Variants in CD6 observed in about 807,000 individuals in gnomAD.
CD6 encodes T-cell differentiation antigen CD6.
CD6 carries 53 observed loss-of-function variants against 75.3 expected under a neutral mutation model. That is an observed-to-expected ratio of 0.70 (90% CI 0.56 to 0.88). CD6 has a LOEUF of 0.88. Among genes scored for constraint, CD6 ranks in the 40% least tolerant of loss-of-function variants. CD6 has a pLI of 0.00. For synonymous variants in CD6, 359 were observed against 381.5 expected (o/e 0.94, Z 0.69); for missense variants, 770 against 897.1 (o/e 0.86, Z 1.81).
intron 1 of CD6, among the ~76,000 whole-genome samples, chr11:61,001,839 G>T (rs887116429): frequency 2.0e-5 from 3 of 152,150 alleles, no homozygotes; most frequent in African/African-American, 7.2e-5. Flanking sequence ...TTTCAAGATG[G>T]CAACAGCAGA....
rs377249802 is a variant in CD6, at chr11:60,988,093, G to C, written c.49+16179G>C. ...GCTGAGAGCTGAGAGTGTGAGATCA[G>C]ATTAGAGAGACTGGAAGTCTGGCTC... On this transcript the variant is annotated intron_variant, in intron 1 of 12. Coordinates refer to ENST00000313421, the MANE Select transcript of CD6 (RefSeq NM_006725.5). 4.6e-5 allele frequency: 7 copies of C among 152,386 alleles called. No individual in the cohort carries two copies. In the East Asian group the frequency reaches 1.4e-3, roughly 29 times the overall value. The allele number at this position is 152,386 out of a possible 1,614,324, so 9.4% of individuals were successfully genotyped here. A position where few individuals can be genotyped will look rare whatever the true frequency, so the allele number is the denominator to read the frequency against.
At chr11:60,982,648 C>T in intron 1 of CD6, 1 of 456,080 alleles carries the variant, frequency 2.2e-6, no homozygotes. Flanking sequence ...CAAATGGATT[C>T]AGCTCCTTGG....
Position 61,018,372 on chromosome 11 carries a change from G to A in CD6, c.1921G>A (p.Glu641Lys), listed in dbSNP as rs1385089522. Residue 641 changes from glutamate to lysine, a missense_variant, in exon 12 of 13, where the codon GAG becomes AAG. By Grantham distance (56) the Glu-to-Lys change is moderately conservative (BLOSUM62 1). Transcript: ENST00000313421. ...NFQPPPQPPSEEQFGCPGSPS... is the reference protein window; with the variant it reads ...NFQPPPQPPSKEQFGCPGSPS... ...CCAGCCACCACCCCAGCCCCCTTCG[G>A]AGGAGCAGTTTGGCTGTCCAGGTGC... The A allele has an allele frequency of 6.3e-7, 1 of 1,599,698 alleles. No individual in the cohort carries two copies. Among genetic ancestry groups the A allele is most frequent in the Admixed American group, 1.7e-5 (1 of 58,300 alleles).
At chr11:61,002,528 G>T (rs1385805793) in intron 1 of CD6, among the ~76,000 whole-genome samples, 2 of 152,068 alleles carry the variant, frequency 1.3e-5, no homozygotes, top group Non-Finnish European at 2.9e-5. Context: ...CTGCACTCCA[G>T]CCTGGGTGAC....
At chr11:61,018,098 G>A in intron 11 of CD6, 85 bp downstream of exon 11, 1 of 1,526,328 alleles carries the variant, frequency 6.6e-7, no homozygotes, top group East Asian at 2.2e-5. Context: ...GTCAGGCTGA[G>A]GTCAGGATTC....
intron 1 of CD6, among the ~76,000 whole-genome samples, chr11:60,999,771 G>A (rs1007871121): frequency 1.3e-5 from 2 of 152,128 alleles, no homozygotes; most frequent in Non-Finnish European, 2.9e-5. Context: ...ACAGGGTCGG[G>A]TTCTGTGGCT....
At chr11:61,008,263 C>G (rs1354837779) in intron 3 of CD6, 2 of 497,196 alleles carry the variant, frequency 4.0e-6, no homozygotes, top group Non-Finnish European at 3.6e-6. Flanking sequence ...ATAAACATGC[C>G]AGGTTCACAG....
Position 60,988,411 on chromosome 11 carries a change from C to T in CD6, c.49+16497C>T, listed in dbSNP as rs562836101. The stretch of plus-strand genomic sequence containing the variant: ...AGCTGTTAAGGACGCAAGGTGGCCA[C>T]AAAGCATTAGTCTGAACATCCCTGG... On this transcript the variant is annotated intron_variant, in intron 1 of 12. Transcript: ENST00000313421. 1.6e-4 allele frequency among the ~76,000 whole-genome samples: 25 copies of T among 152,330 alleles called. No homozygotes were observed. The South Asian group carries it at 5.0e-3, about 30-fold the overall frequency.
intron 1 of CD6, among the ~76,000 whole-genome samples, chr11:60,988,625 C>T (rs1857922935): frequency 6.6e-6 from 1 of 152,222 alleles, no homozygotes; most frequent in African/African-American, 2.4e-5. Flanking sequence ...CTCCCACCTG[C>T]TCTGGAGAGG....
chr11:61,000,330 T>C (rs1858525124), intron 1 of CD6, among the ~76,000 whole-genome samples: 1 of 147,982 alleles, frequency 6.8e-6, no homozygotes, highest in African/African-American at 2.5e-5. Flanking sequence ...TTTTTTTAAC[T>C]ATACTTCTAG....
intron 8 of CD6, chr11:61,015,486 G>A (rs1207749334): frequency 2.2e-5 from 11 of 492,258 alleles, no homozygotes; most frequent in East Asian, 3.4e-5. Context: ...TGGGAGGATC[G>A]CCTGAGCCCA....
Position 61,007,069 on chromosome 11 carries a change from C to T in CD6, c.118+427C>T, listed in dbSNP as rs1252641749. On this transcript the variant is annotated intron_variant, in intron 2 of 12. Coordinates refer to ENST00000313421, the MANE Select transcript of CD6 (RefSeq NM_006725.5). The surrounding 1 kb of genome is among the most constrained non-coding windows in gnomAD (Gnocchi z 4.2). ...GTTCTGGGGAAGTGAGGACCACCAT[C>T]AGCTGAAGCAGCCCATCATCAACCC... is the stretch of plus-strand genomic sequence containing the variant. Among the ~76,000 whole-genome samples the T allele has an allele frequency of 6.6e-6, 1 of 152,142 alleles. No homozygotes were observed. The highest frequency in any genetic ancestry group is 1.5e-5 in the Non-Finnish European group (1 of 68,012).
intron 5 of CD6, among the ~76,000 whole-genome samples, chr11:61,010,444 C>G (rs927535975): frequency 4.6e-5 from 7 of 152,152 alleles, no homozygotes; most frequent in African/African-American, 1.7e-4. Flanking sequence ...GCCATTATCC[C>G]AATTTCAGAC....
In CD6 at chr11:61,019,249, C is replaced by T; in HGVS notation, c.1943-5C>T. ...TCCCACTAATCTGGGCCTCTCTGCC[C>T]ACAGGGTCCCCCAGCCCTCAGCCTG... On this transcript the variant is annotated splice_polypyrimidine_tract_variant and splice_region_variant and intron_variant, in intron 12 of 12. Transcript: ENST00000313421. The T allele has an allele frequency of 3.1e-6, 5 of 1,610,878 alleles. No homozygotes were observed. The highest frequency in any genetic ancestry group is 4.2e-6 in the Non-Finnish European group (5 of 1,179,284).
chr11:61,012,648 A>G (rs1385030516), intron 6 of CD6, among the ~76,000 whole-genome samples: 1 of 152,202 alleles, frequency 6.6e-6, no homozygotes, highest in Non-Finnish European at 1.5e-5. Context: ...TGCTCACTCC[A>G]GGAACCCTCC....
At chr11:61,014,154 G>A in intron 8 of CD6, 140 bp downstream of exon 8, 1 of 613,376 alleles carries the variant, frequency 1.6e-6, no homozygotes, top group Non-Finnish European at 2.8e-6. Context: ...CCGGCCCTGG[G>A]ACCTTGAGCA....
intron 1 of CD6, among the ~76,000 whole-genome samples, chr11:60,999,504 C>T (rs1056545370): frequency 2.0e-5 from 3 of 150,832 alleles, no homozygotes; most frequent in African/African-American, 4.9e-5. Flanking sequence ...GGGGTGAGGA[C>T]GGGGACTGAA....
Position 61,007,469 on chromosome 11 carries a change from G to A in CD6, c.119-91G>A. The A allele has an allele frequency of 1.9e-6, 2 of 1,054,680 alleles. No individual in the cohort carries two copies. The highest frequency in any genetic ancestry group is 2.5e-6 in the Non-Finnish European group (2 of 786,022). 65.3% of individuals were successfully genotyped at this position (1,054,680 alleles called of 1,614,324 possible). On this transcript the variant is annotated intron_variant, in intron 2 of 12. Coordinates refer to ENST00000313421, the MANE Select transcript of CD6 (RefSeq NM_006725.5). The surrounding 1 kb of genome is among the most constrained non-coding windows in gnomAD (Gnocchi z 4.2). Reference sequence around the variant, plus strand: ...GAGACCCCTAGCCAGGCAGGGCGTTGTCAAAGTTCACGCACAGAGTCAGTG... The same window carrying A: ...GAGACCCCTAGCCAGGCAGGGCGTTATCAAAGTTCACGCACAGAGTCAGTG...
At chr11:60,998,328 C>G (rs1342945390) in intron 1 of CD6, among the ~76,000 whole-genome samples, 1 of 152,154 alleles carries the variant, frequency 6.6e-6, no homozygotes, top group Non-Finnish European at 1.5e-5. Context: ...ATGGGGCATA[C>G]AGTAAGTGCT....
Sources: gnomAD v4.1 joint callset for allele counts (sites outside exome capture counted in the v4.1 genomes callset) on GRCh38, gnomAD v4.1.1 for gene constraint, Gnocchi (gnomAD v3.1) non-coding constraint, MANE v1.5 for transcripts, NCBI Gene and HGNC (gene_info 2026-07-23, HGNC 2026-07-21) for gene names.